PTPRD: variants seen among roughly 807,000 people sequenced by gnomAD.
PTPRD encodes receptor-type tyrosine-protein phosphatase delta.
A neutral mutation model predicts 214.5 loss-of-function variants in PTPRD; 34 were observed. The observed-to-expected ratio is 0.16, with a 90% CI of 0.12 to 0.21. The LOEUF (loss-of-function observed/expected upper bound fraction) is 0.21. Ranked by LOEUF, PTPRD falls within the 10% of genes least tolerant of loss-of-function variation. PTPRD has a pLI of 1.00. For synonymous variants in PTPRD, 1,128 were observed against 845.7 expected, an observed-to-expected ratio of 1.33 and a Z score of -5.79; for missense variants, 2,545 against 2,398.7, an observed-to-expected ratio of 1.06 and a Z score of -1.27.
intron 5 of PTPRD, among the ~76,000 whole-genome samples, chr9:9,909,778 G>GGT (rs770171037): frequency 1.3e-5 from 2 of 150,166 alleles, no homozygotes; most frequent in African/African-American, 4.9e-5. Context: ...TGGATTGAAT[G>GGT]TTTTTTTTTG....
At chr9:10,219,466 C>G (rs925144728) in intron 3 of PTPRD, among the ~76,000 whole-genome samples, 4 of 151,638 alleles carry the variant, frequency 2.6e-5, no homozygotes, top group African/African-American at 9.7e-5. Flanking sequence ...GGGTTTACCC[C>G]CTTCTGATTT....
At chr9:9,488,277 G>A (rs1050524796) in intron 8 of PTPRD, among the ~76,000 whole-genome samples, 1 of 152,190 alleles carries the variant, frequency 6.6e-6, no homozygotes, top group Non-Finnish European at 1.5e-5. Context: ...TACTGCTACA[G>A]TAATTCTTTG....
intron 10 of PTPRD, among the ~76,000 whole-genome samples, chr9:9,143,001 G>A (rs1009212342): frequency 6.6e-6 from 1 of 151,984 alleles, no homozygotes; most frequent in African/African-American, 2.4e-5. Context: ...AGAGCTCCTG[G>A]GAATGGCCCG....
chr9:9,022,081 G>A (rs1343530760), intron 10 of PTPRD, among the ~76,000 whole-genome samples: 11 of 151,664 alleles, frequency 7.3e-5, no homozygotes, highest in Admixed American at 2.6e-4. Context: ...CATGGCACAT[G>A]TATACCTATG....
chr9:8,719,386 G>A (rs72700399), intron 12 of PTPRD, among the ~76,000 whole-genome samples: 1 of 152,168 alleles, frequency 6.6e-6, no homozygotes, highest in Admixed American at 6.5e-5. Context: ...TAATTAATCT[G>A]CTCCCAATAA....
chr9:10,123,647 T>C (rs1243225802), intron 3 of PTPRD, among the ~76,000 whole-genome samples: 2 of 152,168 alleles, frequency 1.3e-5, no homozygotes, highest in African/African-American at 4.8e-5. Context: ...GGGAAAAACG[T>C]GGGCAGATCA....
chr9:8,585,829 A>G (rs2093611381), intron 14 of PTPRD, among the ~76,000 whole-genome samples: 2 of 152,208 alleles, frequency 1.3e-5, no homozygotes, highest in Non-Finnish European at 2.9e-5. Flanking sequence ...TAAAAGCTCT[A>G]TGAGGTAGAC....
intron 4 of PTPRD, among the ~76,000 whole-genome samples, chr9:9,984,439 G>C (rs2095641099): frequency 6.6e-6 from 1 of 152,142 alleles, no homozygotes; most frequent in Non-Finnish European, 1.5e-5. Flanking sequence ...GGATGACAGA[G>C]AAATTTATCG....
chr9:9,619,709 GTATT>G (rs917915671), intron 7 of PTPRD, among the ~76,000 whole-genome samples: 4 of 144,248 alleles, frequency 2.8e-5, no homozygotes, highest in African/African-American at 7.5e-5. Context: ...AGAAATATAT[GTATT>G]TATATATAAT....
chr9:9,670,062 G>C (rs2096797349), intron 7 of PTPRD, among the ~76,000 whole-genome samples: 1 of 152,076 alleles, frequency 6.6e-6, no homozygotes, highest in South Asian at 2.1e-4. Context: ...CAGTAAATTG[G>C]AGTAATATTT....
chr9:10,471,096 G>C (rs546259670), intron 2 of PTPRD, among the ~76,000 whole-genome samples: 1 of 152,046 alleles, frequency 6.6e-6, no homozygotes, highest in African/African-American at 2.4e-5. Context: ...GTTGAACAAT[G>C]AGAACACATG....
intron 5 of PTPRD, among the ~76,000 whole-genome samples, chr9:9,910,949 T>G (rs2079014361): frequency 6.6e-6 from 1 of 151,138 alleles, no homozygotes; most frequent in Non-Finnish European, 1.5e-5. Context: ...TGGGAATCAT[T>G]TTCTTTAGAA....
At chr9:8,861,006 T>A (rs1304928429) in intron 11 of PTPRD, 1 of 152,170 alleles carries the variant, frequency 6.6e-6, no homozygotes, top group African/African-American at 2.4e-5. Context: ...AATGAAGCAA[T>A]AGGACAAGAC....
intron 5 of PTPRD, among the ~76,000 whole-genome samples, chr9:9,855,186 A>G (rs1266635063): frequency 6.6e-6 from 1 of 152,238 alleles, no homozygotes; most frequent in Non-Finnish European, 1.5e-5. Context: ...AGCAAAGGGT[A>G]TATAATGTTT....
At chr9:9,812,885 A>C (rs931615058) in intron 5 of PTPRD, among the ~76,000 whole-genome samples, 8 of 152,102 alleles carry the variant, frequency 5.3e-5, no homozygotes, top group African/African-American at 1.4e-4. Context: ...TTAGACTGTA[A>C]ATCTGAGCAA....
chr9:9,812,553 C>A (rs1386207776), intron 5 of PTPRD, among the ~76,000 whole-genome samples: 1 of 113,068 alleles, frequency 8.8e-6, no homozygotes, highest in African/African-American at 6.4e-5. Context: ...GACTTTCAGT[C>A]AAAATCTGTC....
At chr9:9,094,895 T>C (rs2099781292) in intron 10 of PTPRD, among the ~76,000 whole-genome samples, 1 of 152,136 alleles carries the variant, frequency 6.6e-6, no homozygotes. Context: ...TAAACCAGTG[T>C]CCTTCATGAT....
At chr9:10,578,307 A>T (rs1200460014) in intron 2 of PTPRD, among the ~76,000 whole-genome samples, 3 of 152,194 alleles carry the variant, frequency 2.0e-5, no homozygotes, top group African/African-American at 7.2e-5. Flanking sequence ...TTAGGAAGAT[A>T]TTGTAATATG....
intron 4 of PTPRD, among the ~76,000 whole-genome samples, chr9:9,945,491 A>G (rs939534644): frequency 1.3e-5 from 2 of 152,172 alleles, no homozygotes; most frequent in African/African-American, 2.4e-5. Context: ...AGGAAGTCAG[A>G]GAGTGGGGTC....
Sources: allele counts gnomAD v4.1 joint callset (sites outside exome capture counted in the v4.1 genomes callset), GRCh38; gene constraint gnomAD v4.1.1; transcripts MANE v1.5; gene names NCBI Gene and HGNC (gene_info 2026-07-23, HGNC 2026-07-21).